The following TRIM51G variants were observed in gnomAD, a reference collection of about 807,000 sequenced individuals.
TRIM51G encodes tripartite motif-containing 51G.
the TRIM51G span, chr11:48,979,111 A>G: frequency 1.3e-6 from 1 of 767,038 alleles, no homozygotes; most frequent in Non-Finnish European, 2.4e-6. Flanking sequence ...TCCTGCAGTG[A>G]CAATTAGTCA....
chr11:48,981,616 G>T, the TRIM51G span: 1 of 1,600,534 alleles, frequency 6.2e-7, no homozygotes, highest in Non-Finnish European at 8.6e-7. Flanking sequence ...ACAGTCTATG[G>T]TGACTGGGTC....
At chr11:48,980,406 T>C in the TRIM51G span, among the ~76,000 whole-genome samples, 1 of 152,120 alleles carries the variant, frequency 6.6e-6, no homozygotes. Context: ...TTTATATGTG[T>C]TATGACTGAT....
At chr11:48,981,479 T>C in the TRIM51G span, 4 of 1,607,138 alleles carry the variant, frequency 2.5e-6, no homozygotes, top group East Asian at 4.5e-5. Flanking sequence ...ATGGAAGCCA[T>C]GTTCTTCAAA....
the TRIM51G span, among the ~76,000 whole-genome samples, chr11:48,976,861 T>G: frequency 9.2e-5 from 14 of 152,280 alleles, 1 homozygote; most frequent in South Asian, 1.0e-3. Flanking sequence ...AATATATAAC[T>G]CTATACATGT....
At chr11:48,976,925 G>A in the TRIM51G span, among the ~76,000 whole-genome samples, 1 of 151,996 alleles carries the variant, frequency 6.6e-6, no homozygotes, top group Non-Finnish European at 1.5e-5. Flanking sequence ...GTTATAAATT[G>A]GACTATAAAC....
chr11:48,979,262 A>G, the TRIM51G span, among the ~76,000 whole-genome samples: 1 of 152,166 alleles, frequency 6.6e-6, no homozygotes, highest in Non-Finnish European at 1.5e-5. Context: ...ATTAATATCA[A>G]CATAGTTGTT....
the TRIM51G span, among the ~76,000 whole-genome samples, chr11:48,978,648 C>T: frequency 4.6e-5 from 7 of 152,172 alleles, no homozygotes; most frequent in African/African-American, 1.4e-4. Flanking sequence ...GTTACCTTGG[C>T]CATTCCACAT....
At chr11:48,976,364 A>C in the TRIM51G span, among the ~76,000 whole-genome samples, 1 of 152,104 alleles carries the variant, frequency 6.6e-6, no homozygotes, top group Non-Finnish European at 1.5e-5. Flanking sequence ...CTAGTGATAT[A>C]ATTTTGGCAA....
At chr11:48,978,455 C>T in the TRIM51G span, among the ~76,000 whole-genome samples, 1 of 152,112 alleles carries the variant, frequency 6.6e-6, no homozygotes, top group Non-Finnish European at 1.5e-5. Context: ...TTCCCTAAGC[C>T]CTGTTACCAA....
the TRIM51G span, among the ~76,000 whole-genome samples, chr11:48,976,883 A>G: frequency 2.0e-5 from 3 of 151,886 alleles, no homozygotes. Context: ...AGCCCAGAAT[A>G]TATTTGTTTT....
At chr11:48,980,682 G>C in the TRIM51G span, among the ~76,000 whole-genome samples, 1 of 152,098 alleles carries the variant, frequency 6.6e-6, no homozygotes, top group Admixed American at 6.6e-5. Context: ...AGGTTTGTAT[G>C]GAAACAGATG....
At chr11:48,980,031 A>C in the TRIM51G span, among the ~76,000 whole-genome samples, 2 of 151,826 alleles carry the variant, frequency 1.3e-5, no homozygotes, top group South Asian at 2.1e-4. Context: ...CTGCTTGATT[A>C]TTCTCCAAAG....
At chr11:48,982,030 C>T in the TRIM51G span, among the ~76,000 whole-genome samples, 1 of 152,068 alleles carries the variant, frequency 6.6e-6, no homozygotes, top group African/African-American at 2.4e-5. Flanking sequence ...ATGCTTGTCC[C>T]TATTTCTCTA....
the TRIM51G span, chr11:48,977,206 C>G: frequency 3.8e-4 from 405 of 1,063,222 alleles, 11 homozygotes; most frequent in South Asian, 4.4e-3. Context: ...GATAGAGTTA[C>G]CATATCAACA....
At chr11:48,978,849 G>T in the TRIM51G span, 2 of 1,051,184 alleles carry the variant, frequency 1.9e-6, no homozygotes, top group Non-Finnish European at 3.0e-6. Context: ...TCAACATCAT[G>T]ATAACCCATG....
the TRIM51G span, among the ~76,000 whole-genome samples, chr11:48,976,897 CTA>C: frequency 0.035 from 5,397 of 152,212 alleles, 134 homozygotes; most frequent in Non-Finnish European, 0.054. Flanking sequence ...TTGTTTTTCA[CTA>C]TGTTTTACTC....
chr11:48,978,877 A>C, the TRIM51G span: 3 of 1,368,712 alleles, frequency 2.2e-6, no homozygotes, highest in Non-Finnish European at 3.1e-6. Flanking sequence ...CGTACCTGGA[A>C]TAGCTCCACA....
chr11:48,978,740 T>G, the TRIM51G span: 1 of 580,728 alleles, frequency 1.7e-6, no homozygotes, highest in Non-Finnish European at 3.2e-6. Context: ...CCCAACCAAG[T>G]AGCATTAGTT....
At chr11:48,975,980 G>A in the TRIM51G span, 3 of 693,032 alleles carry the variant, frequency 4.3e-6, no homozygotes, top group Admixed American at 5.3e-5. Context: ...GCTCTTGCAT[G>A]CTGCAGAGTA....
Sources: gnomAD v4.1 joint callset for allele counts (sites outside exome capture counted in the v4.1 genomes callset) on GRCh38, gnomAD v4.1.1 for gene constraint, MANE v1.5 for transcripts, NCBI Gene and HGNC (gene_info 2026-07-23, HGNC 2026-07-21) for gene names.